The following SLC4A5 variants were observed in gnomAD, a reference collection of about 807,000 sequenced individuals.
SLC4A5 encodes electrogenic sodium bicarbonate cotransporter 4.
SLC4A5 carries 96 observed loss-of-function variants against 120.4 expected under a neutral mutation model. That is an observed-to-expected ratio of 0.80 (90% CI 0.68 to 0.94). SLC4A5 has a LOEUF of 0.94. SLC4A5 is among the 40% of genes least tolerant of loss of function. The probability of loss-of-function intolerance (pLI) is 0.00; values close to 1 mark genes in which losing one functional copy is unlikely to be tolerated. For missense variants in SLC4A5, 1,259 were observed against 1,459.5 expected, an observed-to-expected ratio of 0.86 and a Z score of 2.24; for synonymous variants, 550 against 571.1, an observed-to-expected ratio of 0.96 and a Z score of 0.53.
Position 74,262,186 on chromosome 2 carries a change from G to C in SLC4A5, c.762C>G (p.His254Gln), listed in dbSNP as rs1326410064. The C allele has an allele frequency of 1.2e-6, 2 of 1,613,962 alleles. No homozygotes were observed. The highest frequency in any genetic ancestry group is 1.7e-6 in the Non-Finnish European group (2 of 1,179,968). The change falls in exon 11 of 31, where the codon CAC becomes CAG. Residue 254 changes from histidine to glutamine, a missense_variant. Physicochemically the swap from His to Gln is conservative, Grantham distance 24. Coordinates refer to ENST00000394019, the Ensembl canonical transcript of SLC4A5. ...GCCGCATCCGCAGGTCTTCCGTGGA[G>C]TGGTGTAGACTCGGGCCAGCACCAG...
At chr2:74,311,902 T>C (rs1367967060) in intron 6 of SLC4A5, among the ~76,000 whole-genome samples, 1 of 152,240 alleles carries the variant, frequency 6.6e-6, no homozygotes, top group South Asian at 2.1e-4. Flanking sequence ...AGATGGGTAT[T>C]GAAGTCCACA....
intron 8 of SLC4A5, among the ~76,000 whole-genome samples, chr2:74,279,921 T>C (rs1558892443): frequency 1.3e-5 from 2 of 152,124 alleles, no homozygotes; most frequent in South Asian, 2.1e-4. Context: ...CTTCTCTCTA[T>C]CCCTACTGCC....
chr2:74,290,307 T>G (rs952726495), intron 7 of SLC4A5: 15 of 985,464 alleles, frequency 1.5e-5, no homozygotes, highest in Non-Finnish European at 1.8e-5. Flanking sequence ...GGCCCCAGCC[T>G]GCTTCCGCTG....
At chr2:74,286,812 A>G (rs1159605738) in intron 7 of SLC4A5, among the ~76,000 whole-genome samples, 1 of 152,108 alleles carries the variant, frequency 6.6e-6, no homozygotes, top group Non-Finnish European at 1.5e-5. Flanking sequence ...AGAACGAGCC[A>G]CTCTGCAGAT....
At chr2:74,270,545 C>T (rs796181131) in intron 8 of SLC4A5, among the ~76,000 whole-genome samples, 22 of 152,246 alleles carry the variant, frequency 1.4e-4, no homozygotes, top group African/African-American at 4.8e-4. Context: ...TGGTGGCAGG[C>T]GCTTGTAGTC....
chr2:74,328,179 C>T, exon 5 of SLC4A5: 1 of 985,910 alleles, frequency 1.0e-6, no homozygotes, highest in Non-Finnish European at 1.2e-6. Context: ...GAACCACTTG[C>T]TCTGTTCCTG....
chr2:74,272,297 C>G (rs2104090197), intron 8 of SLC4A5, among the ~76,000 whole-genome samples: 1 of 152,252 alleles, frequency 6.6e-6, no homozygotes, highest in African/African-American at 2.4e-5. Context: ...CTATATACTA[C>G]TTTTGTATAA....
chr2:74,254,326 T>C (rs1424993818), intron 14 of SLC4A5, among the ~76,000 whole-genome samples: 1 of 152,170 alleles, frequency 6.6e-6, no homozygotes, highest in Non-Finnish European at 1.5e-5. Context: ...GGGTCTACCT[T>C]CCTCCTGCTC....
chr2:74,271,492 G>C (rs888987611), intron 8 of SLC4A5, among the ~76,000 whole-genome samples: 8 of 152,070 alleles, frequency 5.3e-5, no homozygotes, highest in African/African-American at 1.4e-4. Flanking sequence ...TAACTTCTTA[G>C]GCTCAGAGCC....
At chr2:74,277,033 C>G (rs1243371212) in intron 8 of SLC4A5, among the ~76,000 whole-genome samples, 1 of 152,152 alleles carries the variant, frequency 6.6e-6, no homozygotes, top group Admixed American at 6.5e-5. Flanking sequence ...GATCATGCCC[C>G]TGGGGACTAT....
At chr2:74,260,227 T>C (rs1378258202) in intron 11 of SLC4A5, among the ~76,000 whole-genome samples, 5 of 152,206 alleles carry the variant, frequency 3.3e-5, no homozygotes, top group Non-Finnish European at 7.3e-5. Context: ...TAGCCCAATC[T>C]GGTGGACACC....
chr2:74,302,251 A>T (rs1033596218), intron 7 of SLC4A5, among the ~76,000 whole-genome samples: 14 of 152,192 alleles, frequency 9.2e-5, no homozygotes, highest in Admixed American at 8.5e-4. Flanking sequence ...TGTCGGGAAC[A>T]AGCCAGTAAC....
chr2:74,324,936 C>A (rs1573105754), intron 5 of SLC4A5, among the ~76,000 whole-genome samples: 1 of 152,160 alleles, frequency 6.6e-6, no homozygotes, highest in Non-Finnish European at 1.5e-5. Context: ...TTGGAAGTTA[C>A]TATTTTGCCT....
chr2:74,217,063 T>C (rs1572993976), exon 31 of SLC4A5: 2 of 152,246 alleles, frequency 1.3e-5, no homozygotes, highest in African/African-American at 2.4e-5. Context: ...GAGCTTTCTA[T>C]GGACCAGGCA....
At chr2:74,230,408 G>A (rs557649692) in intron 25 of SLC4A5, among the ~76,000 whole-genome samples, 3 of 152,182 alleles carry the variant, frequency 2.0e-5, no homozygotes, top group Admixed American at 2.0e-4. Context: ...GTTGTGGTGG[G>A]ACATAAGCAA....
Position 74,285,913 on chromosome 2 carries a change from G to T in SLC4A5, c.272-11C>A. ...CAGCAGCTGGGGACCCTGCAAAAGA[G>T]GGGCAGCAGGTCTGCTGAGTGTCCC... is the stretch of plus-strand genomic sequence containing the variant. On this transcript the variant is annotated splice_polypyrimidine_tract_variant and intron_variant, in intron 7 of 30. Coordinates refer to ENST00000394019, the Ensembl canonical transcript of SLC4A5. 1 of 1,582,516 alleles carries T rather than the reference G, an allele frequency of 6.3e-7. No individual in the cohort carries two copies.
At chr2:74,221,540 T>G in intron 29 of SLC4A5, 39 bp from the exon 30 acceptor site, 1 of 1,600,682 alleles carries the variant, frequency 6.2e-7, no homozygotes, top group Non-Finnish European at 8.6e-7. Context: ...TGGAGCAGGT[T>G]TGAGCACCAT....
intron 5 of SLC4A5, among the ~76,000 whole-genome samples, chr2:74,317,374 C>T (rs1421466582): frequency 6.6e-6 from 1 of 151,898 alleles, no homozygotes; most frequent in African/African-American, 2.4e-5. Context: ...AATGTTTTAT[C>T]TGAACCTTCA....
chr2:74,314,411 G>T (rs138333495), intron 6 of SLC4A5, among the ~76,000 whole-genome samples: 4 of 152,168 alleles, frequency 2.6e-5, no homozygotes. Context: ...GAGCCTCTAG[G>T]TGGGCAGCGA....
Sources: allele counts gnomAD v4.1 joint callset (sites outside exome capture counted in the v4.1 genomes callset), GRCh38; gene constraint gnomAD v4.1.1; transcripts MANE v1.5; gene names NCBI Gene and HGNC (gene_info 2026-07-23, HGNC 2026-07-21).